NXPH1: variants seen among roughly 807,000 people sequenced by gnomAD.
NXPH1 encodes the protein neurexophilin 1, also known as neurexophilin-1.
Under a neutral mutation model 23.7 loss-of-function variants are expected in NXPH1, and 5 were observed. That is an observed-to-expected ratio of 0.21 (90% confidence interval 0.11 to 0.44). NXPH1 has a LOEUF of 0.44. Among genes scored for constraint, NXPH1 ranks in the 20% least tolerant of loss-of-function variants. NXPH1 has a pLI of 0.99. For missense variants in NXPH1, 324 were observed against 321.6 expected, an observed-to-expected ratio of 1.01 and a Z score of -0.06; for synonymous variants, 144 against 122.2, an observed-to-expected ratio of 1.18 and a Z score of -1.18.
At chr7:8,520,258 T>C (rs77602686) in intron 2 of NXPH1, among the ~76,000 whole-genome samples, 10,029 of 152,246 alleles carry the variant, frequency 0.066, 456 homozygotes, top group Middle Eastern at 0.15. Flanking sequence ...AATATAAGGT[T>C]TTTTTGCAAG....
intron 2 of NXPH1, among the ~76,000 whole-genome samples, chr7:8,454,879 A>C (rs943092008): frequency 3.3e-5 from 5 of 152,176 alleles, no homozygotes; most frequent in Admixed American, 3.3e-4. Flanking sequence ...CCTAGGAGCC[A>C]CTGCATTATA....
At chr7:8,535,274 A>G (rs975400852) in intron 2 of NXPH1, among the ~76,000 whole-genome samples, 1 of 152,128 alleles carries the variant, frequency 6.6e-6, no homozygotes, top group Admixed American at 6.6e-5. Flanking sequence ...AAAAAAAAGG[A>G]AACAATCAGT....
chr7:8,459,338 T>C (rs1179020385), intron 2 of NXPH1, among the ~76,000 whole-genome samples: 1 of 152,202 alleles, frequency 6.6e-6, no homozygotes, highest in Non-Finnish European at 1.5e-5. Context: ...ACAAAAGTTC[T>C]TGGAGATGTG....
intron 2 of NXPH1, among the ~76,000 whole-genome samples, chr7:8,580,739 T>TC (rs1818850715): frequency 6.6e-6 from 1 of 151,634 alleles, no homozygotes; most frequent in African/African-American, 2.4e-5. Context: ...GGTCACTTTT[T>TC]TTTTTCTTCT....
At chr7:8,458,290 C>T (rs1382889848) in intron 2 of NXPH1, among the ~76,000 whole-genome samples, 2 of 152,142 alleles carry the variant, frequency 1.3e-5, no homozygotes, top group East Asian at 3.8e-4. Context: ...CAGGCAGTTC[C>T]ATAACCTCTT....
At chr7:8,475,450 T>C (rs1335891923) in intron 2 of NXPH1, among the ~76,000 whole-genome samples, 1 of 152,090 alleles carries the variant, frequency 6.6e-6, no homozygotes, top group Non-Finnish European at 1.5e-5. Context: ...GATTTACAGT[T>C]GAATAATAAC....
intron 2 of NXPH1, among the ~76,000 whole-genome samples, chr7:8,488,951 G>T (rs1020201558): frequency 6.6e-6 from 1 of 152,104 alleles, no homozygotes; most frequent in East Asian, 1.9e-4. Flanking sequence ...TTTGAATTCT[G>T]CAGTAAGTTC....
At chr7:8,666,798 A>T (rs561877695) in intron 2 of NXPH1, among the ~76,000 whole-genome samples, 3 of 152,150 alleles carry the variant, frequency 2.0e-5, no homozygotes, top group Admixed American at 2.0e-4. Flanking sequence ...ATTCTAGATT[A>T]TCCAATTTGT....
chr7:8,553,485 T>C (rs1341620543), intron 2 of NXPH1, among the ~76,000 whole-genome samples: 1 of 151,486 alleles, frequency 6.6e-6, no homozygotes, highest in Non-Finnish European at 1.5e-5. Flanking sequence ...CTTGACATAG[T>C]CTTGACTTGA....
chr7:8,655,400 TTCTCTCTCTCTCTC>T (rs869162322), intron 2 of NXPH1, among the ~76,000 whole-genome samples: 725 of 42,842 alleles, frequency 0.017, 4 homozygotes, highest in African/African-American at 0.045. Context: ...GTCTTTGTCT[TTCTCTCTCTCTCTC>T]TCTCTCTCTC....
chr7:8,558,012 G>A (rs576671244), intron 2 of NXPH1, among the ~76,000 whole-genome samples: 10 of 151,688 alleles, frequency 6.6e-5, no homozygotes, highest in Admixed American at 3.3e-4. Flanking sequence ...TAAAAAAAAG[G>A]TTCAAAGCAC....
rs373804415 is a variant in NXPH1 at position 8,694,562 on chromosome 7, T to A, written c.55-56446T>A. 1.8e-4 allele frequency among the ~76,000 whole-genome samples: 28 copies of A among 152,330 alleles called. No individual in the cohort carries two copies. In the South Asian group the frequency reaches 5.8e-3, roughly 32 times the overall value. ...AACTTTGAATTCTTAATATTTCATT[T>A]CTCCTTAAACGGGTTATAATAACAC... is the stretch of plus-strand genomic sequence containing the variant. On this transcript the variant is annotated intron_variant, in intron 2 of 2. Transcript: ENST00000405863.
intron 2 of NXPH1, among the ~76,000 whole-genome samples, chr7:8,559,164 C>T (rs1818403435): frequency 6.6e-6 from 1 of 151,564 alleles, no homozygotes; most frequent in African/African-American, 2.4e-5. Flanking sequence ...CATTATGTTG[C>T]CCAGGCTGGT....
intron 2 of NXPH1, among the ~76,000 whole-genome samples, chr7:8,477,066 C>A (rs1250259807): frequency 6.6e-6 from 1 of 152,032 alleles, no homozygotes; most frequent in Non-Finnish European, 1.5e-5. Context: ...TAAGCAGTAC[C>A]CAAAAATACA....
intron 2 of NXPH1, among the ~76,000 whole-genome samples, chr7:8,701,886 T>C (rs1374402184): frequency 6.6e-6 from 1 of 152,088 alleles, no homozygotes; most frequent in Non-Finnish European, 1.5e-5. Flanking sequence ...TGAATCTTTG[T>C]GGGTGATTAT....
chr7:8,658,693 G>A (rs562856227), intron 2 of NXPH1, among the ~76,000 whole-genome samples: 2 of 152,202 alleles, frequency 1.3e-5, no homozygotes, highest in East Asian at 1.9e-4. Flanking sequence ...ACAATATGTA[G>A]CACTATGTGT....
intron 2 of NXPH1, among the ~76,000 whole-genome samples, chr7:8,611,582 G>A (rs965387441): frequency 4.6e-5 from 7 of 152,122 alleles, no homozygotes; most frequent in African/African-American, 1.7e-4. Flanking sequence ...AGTATTTGAT[G>A]TGAATTTGTG....
intron 2 of NXPH1, among the ~76,000 whole-genome samples, chr7:8,540,543 A>G (rs899448224): frequency 2.6e-5 from 4 of 151,734 alleles, no homozygotes; most frequent in Non-Finnish European, 1.5e-5. Flanking sequence ...ACCCTAAGTG[A>G]GGAGATGAAG....
At chr7:8,648,911 A>G (rs1820440476) in intron 2 of NXPH1, among the ~76,000 whole-genome samples, 1 of 151,956 alleles carries the variant, frequency 6.6e-6, no homozygotes, top group African/African-American at 2.4e-5. Context: ...TAATTGGTAT[A>G]TCCTTGTCTT....
Sources: gnomAD v4.1 joint callset for allele counts (sites outside exome capture counted in the v4.1 genomes callset) on GRCh38, gnomAD v4.1.1 for gene constraint, MANE v1.5 for transcripts, NCBI Gene and HGNC (gene_info 2026-07-23, HGNC 2026-07-21) for gene names.